FAM98B: variants seen among roughly 807,000 people sequenced by gnomAD.
FAM98B encodes the protein tRNA splicing ligase complex subunit 3B, also known as tRNA-splicing ligase complex subunit FAM98B.
A neutral mutation model predicts 43.9 loss-of-function variants in FAM98B; 32 were observed. The observed-to-expected ratio is 0.73, with a 90% confidence interval of 0.55 to 0.98. The LOEUF (loss-of-function observed/expected upper bound fraction) is 0.98, where lower values mean the gene tolerates loss of function less well. Among genes scored for constraint, FAM98B ranks in the 50% least tolerant of loss-of-function variants. The pLI is 0.00. For missense variants in FAM98B, 514 were observed against 522.9 expected (o/e 0.98, Z 0.17); for synonymous variants, 190 against 174.0 (o/e 1.09, Z -0.72).
intron 3 of FAM98B, among the ~76,000 whole-genome samples, chr15:38,470,007 G>GT (rs558190627): frequency 6.6e-6 from 1 of 151,882 alleles, no homozygotes; most frequent in South Asian, 2.1e-4. Context: ...TTAGTTAGTT[G>GT]TTTTTTCTCA....
intron 4 of FAM98B, 100 bp from the exon 5 acceptor site, chr15:38,473,405 T>TATTA: frequency 1.4e-6 from 1 of 736,044 alleles, no homozygotes; most frequent in Non-Finnish European, 2.2e-6. Flanking sequence ...GTCACTTTAA[T>TATTA]ATTTTATTCT....
chr15:38,484,755 C>T lies in FAM98B; in HGVS notation c.*96C>T, dbSNP rs985686717. ...ACTTGAATATCATCTTTGAAGTAAACACCATGTTAGACTCCCTGGTGATAC... is the reference window on the plus strand; with the variant it reads ...ACTTGAATATCATCTTTGAAGTAAATACCATGTTAGACTCCCTGGTGATAC... On this transcript the variant is annotated 3_prime_UTR_variant, in exon 8 of 8. Coordinates refer to ENST00000397609, the MANE Select transcript of FAM98B (RefSeq NM_173611.4). 3 of 1,459,662 alleles carry T rather than the reference C, an allele frequency of 2.1e-6. No homozygotes were observed. Among genetic ancestry groups the T allele is most frequent in the African/African-American group, 3.0e-5 (2 of 66,804 alleles). 90.4% of individuals were successfully genotyped at this position (1,459,662 alleles called of 1,614,324 possible). A position where few individuals can be genotyped will look rare whatever the true frequency, so the allele number is the denominator to read the frequency against.
chr15:38,455,322 C>G (rs1451638021), intron 1 of FAM98B, among the ~76,000 whole-genome samples: 1 of 152,188 alleles, frequency 6.6e-6, no homozygotes, highest in African/African-American at 2.4e-5. Context: ...CATTTGTTTG[C>G]CCTGCTACGT....
intron 1 of FAM98B, among the ~76,000 whole-genome samples, chr15:38,459,995 T>A (rs1265623718): frequency 9.9e-5 from 15 of 152,210 alleles, no homozygotes; most frequent in Admixed American, 9.8e-4. Flanking sequence ...GTCTTCTGTT[T>A]TATCTCTTGG....
chr15:38,459,365 G>A, intron 1 of FAM98B: 1 of 438,708 alleles, frequency 2.3e-6, no homozygotes, highest in Admixed American at 2.5e-5. Context: ...CTCCTTATAT[G>A]GATGAGCTCA....
At chr15:38,462,115 C>G (rs1889958709) in intron 1 of FAM98B, among the ~76,000 whole-genome samples, 1 of 150,910 alleles carries the variant, frequency 6.6e-6, no homozygotes, top group Non-Finnish European at 1.5e-5. Context: ...ATATTGATCT[C>G]TACTCTATGT....
chr15:38,477,294 C>A (rs1890216596), intron 6 of FAM98B, among the ~76,000 whole-genome samples: 1 of 150,238 alleles, frequency 6.7e-6, no homozygotes, highest in South Asian at 2.1e-4. Context: ...GGAAGATAAA[C>A]CTCATTTTTT....
chr15:38,458,939 C>T (rs1285830750), intron 1 of FAM98B: 3 of 415,558 alleles, frequency 7.2e-6, no homozygotes. Context: ...CCTCAGGTTC[C>T]TCCCCAGGCG....
At chr15:38,464,323 A>T (rs940314960) in intron 2 of FAM98B, 146 bp downstream of exon 2, 2 of 699,922 alleles carry the variant, frequency 2.9e-6, no homozygotes, top group Admixed American at 7.7e-5. Context: ...ACATTTTTGG[A>T]TTAAATTTTA....
chr15:38,466,879 C>T (rs1350840744), intron 3 of FAM98B, among the ~76,000 whole-genome samples: 1 of 152,144 alleles, frequency 6.6e-6, no homozygotes, highest in Non-Finnish European at 1.5e-5. Flanking sequence ...ACAACACTCT[C>T]ACACTCGCAC....
At chr15:38,468,566 T>C (rs762022704) in intron 3 of FAM98B, among the ~76,000 whole-genome samples, 15 of 152,182 alleles carry the variant, frequency 9.9e-5, no homozygotes, top group Non-Finnish European at 2.1e-4. Context: ...ATAGTCCTCA[T>C]AAGGAAAGTT....
chr15:38,455,923 C>A (rs1228714629), intron 1 of FAM98B, among the ~76,000 whole-genome samples: 1 of 152,134 alleles, frequency 6.6e-6, no homozygotes, highest in African/African-American at 2.4e-5. Flanking sequence ...ACTATGAGGG[C>A]AACATTTTGA....
chr15:38,474,165 GTTTCCAAA>G lies in FAM98B; in HGVS notation c.613-13_613-6del, dbSNP rs1348282773. The G allele has an allele frequency of 6.3e-7, 1 of 1,579,368 alleles. No individual in the cohort carries two copies. ...AAAGAATCTAAAGTTTATTATTTTTGTTTCCAAATTTTTTAGGAACAACTGGAAAGAAT... is the reference window on the plus strand; with the variant it reads ...AAAGAATCTAAAGTTTATTATTTTTGTTTTTTAGGAACAACTGGAAAGAAT... On this transcript the variant is annotated splice_polypyrimidine_tract_variant and intron_variant, in intron 5 of 7. Coordinates refer to ENST00000397609, the MANE Select transcript of FAM98B (RefSeq NM_173611.4).
chr15:38,484,699 G>A lies in FAM98B; in HGVS notation c.*40G>A, dbSNP rs1263457396. The A allele has an allele frequency of 1.3e-6, 2 of 1,494,222 alleles. No individual in the cohort carries two copies. Among genetic ancestry groups the A allele is most frequent in the Non-Finnish European group, 1.8e-6 (2 of 1,131,092 alleles). The allele number at this position is 1,494,222 out of a possible 1,614,324, so 92.6% of individuals were successfully genotyped here. On this transcript the variant is annotated 3_prime_UTR_variant, in exon 8 of 8. Coordinates refer to ENST00000397609, the MANE Select transcript of FAM98B (RefSeq NM_173611.4). ...AGATAGCAGTGCTTGCTTCTTTATA[G>A]ATACATTAGAAATAGTGTTCCAAAT... is the stretch of plus-strand genomic sequence containing the variant.
chr15:38,484,464 T>TGGGGGA lies in FAM98B; in HGVS notation c.1116_1121dup (p.Gly374_Gly375dup). On this transcript the variant is annotated inframe_insertion, in exon 8 of 8. Coordinates refer to ENST00000397609, the MANE Select transcript of FAM98B (RefSeq NM_173611.4). The stretch of plus-strand genomic sequence containing the variant: ...GTGGAGGAGGAGGTTGGGGAGGTGG[T>TGGGGGA]GGGGGAGGGGGAGGAGGGTGGGGGG... The TGGGGGA allele has an allele frequency of 4.2e-6, 1 of 239,352 alleles. No individual in the cohort carries two copies. Among genetic ancestry groups the TGGGGGA allele is most frequent in the Non-Finnish European group, 4.8e-6 (1 of 208,812 alleles). The allele number at this position is 239,352 out of a possible 1,614,324, so 14.8% of individuals were successfully genotyped here.
At chr15:38,473,271 G>A (rs900642298) in intron 4 of FAM98B, among the ~76,000 whole-genome samples, 5 of 152,086 alleles carry the variant, frequency 3.3e-5, no homozygotes, top group Non-Finnish European at 7.4e-5. Flanking sequence ...AGCTGTCTGT[G>A]TATGTTCGTT....
At chr15:38,471,004 TAGAG>T (rs886764541) in intron 4 of FAM98B, among the ~76,000 whole-genome samples, 1 of 151,950 alleles carries the variant, frequency 6.6e-6, no homozygotes, top group African/African-American at 2.4e-5. Flanking sequence ...AGCCATATAT[TAGAG>T]AGGATGCTAC....
In FAM98B at chr15:38,462,090, G is replaced by T. The variant is rs1889958502; in HGVS notation, c.72-1942G>T. On this transcript the variant is annotated intron_variant, in intron 1 of 7. Transcript: ENST00000397609. Reference sequence around the variant, plus strand: ...GTAGTATATAACTGTAAAAATGGTTGAATACTATGTCTAAATATTGATCTC... The same window carrying T: ...GTAGTATATAACTGTAAAAATGGTTTAATACTATGTCTAAATATTGATCTC... 2.6e-5 allele frequency among the ~76,000 whole-genome samples: 4 copies of T among 152,220 alleles called. No homozygotes were observed. The South Asian group carries it at 8.3e-4, about 32-fold the overall frequency.
intron 4 of FAM98B, among the ~76,000 whole-genome samples, chr15:38,471,305 G>A (rs1890127765): frequency 6.6e-6 from 1 of 151,756 alleles, no homozygotes; most frequent in Non-Finnish European, 1.5e-5. Flanking sequence ...AATTTTTTTT[G>A]GTAGAACTTG....
Sources: gnomAD v4.1 joint callset for allele counts (sites outside exome capture counted in the v4.1 genomes callset) on GRCh38, gnomAD v4.1.1 for gene constraint, MANE v1.5 for transcripts, NCBI Gene and HGNC (gene_info 2026-07-23, HGNC 2026-07-21) for gene names.